Variants in GPR83 observed in about 807,000 individuals in gnomAD.
The protein encoded by GPR83 is G protein-coupled receptor 83, also known as G-protein coupled receptor 72.
Under a neutral mutation model 28.0 loss-of-function variants are expected in GPR83, and 23 were observed. The observed-to-expected ratio is 0.82, with a 90% confidence interval of 0.59 to 1.16. The LOEUF is 1.16. Ranked by LOEUF, GPR83 falls within the 50% of genes most tolerant of loss-of-function variation. The pLI, the probability that GPR83 is intolerant of heterozygous loss-of-function variation, is 0.00. For synonymous variants in GPR83, 234 were observed against 215.4 expected (o/e 1.09, Z -0.76); for missense variants, 610 against 536.6 (o/e 1.14, Z -1.35).
At position 94,380,778 on chromosome 11, in the gene GPR83, G is replaced by T; in HGVS notation, c.648-5C>A. The T allele has an allele frequency of 6.2e-7, 1 of 1,602,678 alleles. No individual in the cohort carries two copies. The highest frequency in any genetic ancestry group is 1.3e-5 in the African/African-American group (1 of 74,784). ...AGGGAGCGCACAATGTCCTCACTGG[G>T]GGCAGGAAGTGGGGAGGGGGAGAGA... is the stretch of plus-strand genomic sequence containing the variant. On this transcript the variant is annotated splice_region_variant and splice_polypyrimidine_tract_variant and intron_variant, in intron 3 of 3. Coordinates refer to ENST00000243673, the MANE Select transcript of GPR83 (RefSeq NM_016540.4).
chr11:94,377,330 G>C lies in GPR83; in HGVS notation c.*2819C>G, dbSNP rs1379601350. 1 of 152,180 alleles carries C rather than the reference G, an allele frequency of 6.6e-6. No individual in the cohort carries two copies. The highest frequency in any genetic ancestry group is 1.5e-5 in the Non-Finnish European group (1 of 68,032). 9.4% of individuals were successfully genotyped at this position (152,180 alleles called of 1,614,324 possible). On this transcript the variant is annotated 3_prime_UTR_variant, in exon 4 of 4. Coordinates refer to ENST00000243673, the MANE Select transcript of GPR83 (RefSeq NM_016540.4). Reference sequence around the variant, plus strand: ...AAGAGGCACAGTCCACAAACCTGAAGTAAATTTTATTGAGATGAGCAATTT... The same window carrying C: ...AAGAGGCACAGTCCACAAACCTGAACTAAATTTTATTGAGATGAGCAATTT...
intron 3 of GPR83, among the ~76,000 whole-genome samples, chr11:94,382,118 C>A (rs546882059): frequency 6.6e-6 from 1 of 152,130 alleles, no homozygotes; most frequent in East Asian, 1.9e-4. Flanking sequence ...TTTGTGAGGC[C>A]GAGATGGGCG....
At chr11:94,381,940 G>A (rs1242064527) in intron 3 of GPR83, among the ~76,000 whole-genome samples, 1 of 152,074 alleles carries the variant, frequency 6.6e-6, no homozygotes, top group Admixed American at 6.5e-5. Context: ...TCTCTCCCTG[G>A]TCTCTGTCCA....
chr11:94,380,103 C>A lies in GPR83; in HGVS notation c.*46G>T. 5.6e-6 allele frequency: 8 copies of A among 1,433,788 alleles called. No individual in the cohort carries two copies. The highest frequency in any genetic ancestry group is 3.7e-4 in the Middle Eastern group (2 of 5,454). 88.8% of individuals were successfully genotyped at this position (1,433,788 alleles called of 1,614,324 possible). On this transcript the variant is annotated 3_prime_UTR_variant, in exon 4 of 4. Transcript: ENST00000243673. Reference sequence around the variant, plus strand: ...TGTGAGAATAGGCTCTCTTTCCCTGCCTCAGGTGGAGACAGACCCCTCCCA... The same window carrying A: ...TGTGAGAATAGGCTCTCTTTCCCTGACTCAGGTGGAGACAGACCCCTCCCA...
intron 1 of GPR83, among the ~76,000 whole-genome samples, chr11:94,400,609 A>G (rs1317206508): frequency 6.6e-6 from 1 of 151,642 alleles, no homozygotes; most frequent in Non-Finnish European, 1.5e-5. Flanking sequence ...GACTTCAGAG[A>G]GAGAGACAGA....
At chr11:94,386,186 C>T (rs1047131219) in intron 3 of GPR83, among the ~76,000 whole-genome samples, 3 of 152,186 alleles carry the variant, frequency 2.0e-5, no homozygotes, top group Non-Finnish European at 2.9e-5. Flanking sequence ...CCTACAAGAG[C>T]TCCTGAAGGA....
chr11:94,396,362 G>C (rs369060627), intron 2 of GPR83, 37 bp downstream of exon 2: 15 of 1,598,312 alleles, frequency 9.4e-6, no homozygotes, highest in Admixed American at 5.0e-5. Context: ...GGAAGCAAGA[G>C]AGGGAAGAGC....
At chr11:94,400,714 G>GGAGAGGAGAAATGAGGAGGAA in intron 1 of GPR83, 147 bp downstream of exon 1, 1 of 664,424 alleles carries the variant, frequency 1.5e-6, no homozygotes. Context: ...CAGAGGCAGA[G>GGAGAGGAGAAATGAGGAGGAA]GAGAGGAGAA....
intron 2 of GPR83, 75 bp from the exon 3 acceptor site, chr11:94,393,693 G>A (rs756687774): frequency 3.0e-5 from 42 of 1,384,808 alleles, no homozygotes; most frequent in Non-Finnish European, 3.8e-5. Flanking sequence ...AGGCGCAGGT[G>A]CTCACTCCTG....
intron 1 of GPR83, among the ~76,000 whole-genome samples, chr11:94,399,117 G>A (rs1944889979): frequency 1.3e-5 from 2 of 152,160 alleles, no homozygotes; most frequent in East Asian, 1.9e-4. Context: ...ATGTTCTGTG[G>A]CTTCCCAGTT....
rs555234718 is a variant in GPR83, at chr11:94,396,520, C to T, written c.392G>A (p.Arg131His). 8.1e-6 allele frequency: 13 copies of T among 1,613,682 alleles called. No individual in the cohort carries two copies. In the East Asian group the frequency reaches 1.3e-4, roughly 17 times the overall value. ...TLLNTPFTLVRFVNSTWIFGK... is the reference protein window; with the variant it reads ...TLLNTPFTLVHFVNSTWIFGK... ...AAATATCCATGTGCTGTTCACAAAG[C>T]GAACCTGGAGATGAGCCCAAAGATG... Residue 131 changes from arginine to histidine, a missense_variant, in exon 2 of 4, where the codon CGC becomes CAC. Transcript: ENST00000243673.
At chr11:94,391,222 G>T (rs1277081538) in intron 3 of GPR83, among the ~76,000 whole-genome samples, 1 of 152,046 alleles carries the variant, frequency 6.6e-6, no homozygotes, top group Non-Finnish European at 1.5e-5. Flanking sequence ...ACACAATGAG[G>T]GAAAGAGTCC....
rs1395773322 is a variant in GPR83 at position 94,401,086 on chromosome 11, G to T, written c.162C>A (p.Asn54Lys). ...WNNYTFSDWQ[N>K]FVGRRRYGAE... is the part of the protein sequence containing the mutation. ...CGCCGTAGCGCCTCCTGCCCACAAA[G>T]TTCTGCCAGTCGGAGAAGGTGTAGT... The change falls in exon 1 of 4, where the codon AAC (asparagine) becomes AAA (lysine). Residue 54 changes from asparagine to lysine, a missense_variant. Physicochemically the swap from Asn to Lys is moderately conservative, Grantham distance 94. Transcript: ENST00000243673. The T allele has an allele frequency of 6.2e-7, 1 of 1,614,136 alleles. No homozygotes were observed. The highest frequency in any genetic ancestry group is 1.3e-5 in the African/African-American group (1 of 74,952).
At chr11:94,382,172 G>C (rs755765687) in intron 3 of GPR83, among the ~76,000 whole-genome samples, 9 of 152,036 alleles carry the variant, frequency 5.9e-5, no homozygotes, top group South Asian at 2.1e-4. Context: ...GACCAACATG[G>C]AGAAACCGTG....
chr11:94,385,541 C>T (rs927403472), intron 3 of GPR83, among the ~76,000 whole-genome samples: 4 of 152,136 alleles, frequency 2.6e-5, no homozygotes, highest in African/African-American at 7.2e-5. Flanking sequence ...ACAAGAACTA[C>T]GTGATGAATG....
intron 3 of GPR83, among the ~76,000 whole-genome samples, chr11:94,385,735 A>C (rs2134686078): frequency 6.6e-6 from 1 of 152,364 alleles, no homozygotes; most frequent in Non-Finnish European, 1.5e-5. Flanking sequence ...GTGTATCTGA[A>C]AGTGACGGGG....
At chr11:94,387,691 C>T (rs1322992170) in intron 3 of GPR83, among the ~76,000 whole-genome samples, 5 of 152,090 alleles carry the variant, frequency 3.3e-5, no homozygotes, top group African/African-American at 1.2e-4. Context: ...AATTAATAGC[C>T]TACCAACCAA....
chr11:94,384,947 C>A (rs1253701671), intron 3 of GPR83, among the ~76,000 whole-genome samples: 1 of 152,222 alleles, frequency 6.6e-6, no homozygotes, highest in Non-Finnish European at 1.5e-5. Flanking sequence ...AGGCAACCCC[C>A]AGGAGGGGCA....
chr11:94,384,210 C>T (rs1307584929), intron 3 of GPR83, among the ~76,000 whole-genome samples: 3 of 152,140 alleles, frequency 2.0e-5, no homozygotes, highest in African/African-American at 7.2e-5. Context: ...CAATGTATCA[C>T]ACAAACAGAA....
Sources: allele counts gnomAD v4.1 joint callset (sites outside exome capture counted in the v4.1 genomes callset), GRCh38; gene constraint gnomAD v4.1.1; transcripts MANE v1.5; gene names NCBI Gene and HGNC (gene_info 2026-07-23, HGNC 2026-07-21).